The following ZNF804B variants were observed in gnomAD, a reference collection of about 807,000 sequenced individuals.
The protein encoded by ZNF804B is zinc finger 804B.
Under a neutral mutation model 101.4 loss-of-function variants are expected in ZNF804B, and 80 were observed. The ratio of observed to expected loss-of-function variants is 0.79; its 90% confidence interval spans 0.66 to 0.95. ZNF804B has a LOEUF of 0.95. Ranked by LOEUF, ZNF804B falls within the 40% of genes least tolerant of loss-of-function variation. The pLI is 0.00. For synonymous variants in ZNF804B, 622 were observed against 558.8 expected, an observed-to-expected ratio of 1.11 and a Z score of -1.59; for missense variants, 1,673 against 1,561.9, an observed-to-expected ratio of 1.07 and a Z score of -1.20.
At chr7:89,100,364 A>G (rs1790036364) in intron 1 of ZNF804B, among the ~76,000 whole-genome samples, 1 of 152,174 alleles carries the variant, frequency 6.6e-6, no homozygotes, top group Admixed American at 6.6e-5. Flanking sequence ...AAACTACTAC[A>G]ATAAATCATT....
intron 1 of ZNF804B, among the ~76,000 whole-genome samples, chr7:89,148,603 G>C (rs62461911): frequency 1.3e-5 from 2 of 151,778 alleles, no homozygotes; most frequent in African/African-American, 4.8e-5. Context: ...ACAAAATAAA[G>C]CTAATTTGAA....
At chr7:88,877,112 T>C (rs1791966401) in intron 1 of ZNF804B, among the ~76,000 whole-genome samples, 1 of 122,368 alleles carries the variant, frequency 8.2e-6, no homozygotes, top group Non-Finnish European at 1.6e-5. Flanking sequence ...CAGGCTGGAG[T>C]GCAGTGGCAC....
intron 2 of ZNF804B, among the ~76,000 whole-genome samples, chr7:89,254,476 C>A (rs1230186259): frequency 1.3e-5 from 2 of 149,682 alleles, no homozygotes; most frequent in Admixed American, 6.7e-5. Context: ...AAAAAAAAAA[C>A]CCACAACACA....
At chr7:89,034,414 C>A (rs56343928) in intron 1 of ZNF804B, among the ~76,000 whole-genome samples, 3 of 151,712 alleles carry the variant, frequency 2.0e-5, no homozygotes, top group South Asian at 2.1e-4. Context: ...CCCTACCCCC[C>A]GCCAGGCCCT....
At chr7:88,794,342 G>A (rs771357449) in intron 1 of ZNF804B, 2 of 1,613,908 alleles carry the variant, frequency 1.2e-6, no homozygotes, top group South Asian at 1.1e-5. Flanking sequence ...GCAACTTGGT[G>A]TAAGTTATCG....
intron 2 of ZNF804B, among the ~76,000 whole-genome samples, chr7:89,285,206 A>G (rs1187585960): frequency 6.6e-6 from 1 of 151,804 alleles, no homozygotes; most frequent in African/African-American, 2.4e-5. Context: ...GCAACAGAGC[A>G]AGACCCTGTC....
At chr7:88,913,522 G>A (rs1441296899) in intron 1 of ZNF804B, among the ~76,000 whole-genome samples, 1 of 152,146 alleles carries the variant, frequency 6.6e-6, no homozygotes, top group Non-Finnish European at 1.5e-5. Context: ...AACCTCTGGA[G>A]GAGCTGGGAT....
At chr7:89,094,637 A>G (rs773605135) in intron 1 of ZNF804B, among the ~76,000 whole-genome samples, 48 of 152,166 alleles carry the variant, frequency 3.2e-4, no homozygotes, top group Non-Finnish European at 4.6e-4. Flanking sequence ...CCTTTGCTAC[A>G]GTGTGTTTCT....
chr7:89,037,660 T>C (rs149188827), intron 1 of ZNF804B, among the ~76,000 whole-genome samples: 2 of 152,090 alleles, frequency 1.3e-5, no homozygotes, highest in Admixed American at 6.6e-5. Flanking sequence ...TTGTGTGTGA[T>C]AAGATCATTT....
intron 1 of ZNF804B, among the ~76,000 whole-genome samples, chr7:88,763,337 C>G (rs1789926359): frequency 6.6e-6 from 1 of 151,854 alleles, no homozygotes; most frequent in Non-Finnish European, 1.5e-5. Flanking sequence ...CATTTTACCC[C>G]CAAACAGTTT....
chr7:89,103,059 T>TG (rs1562885429), intron 1 of ZNF804B, among the ~76,000 whole-genome samples: 17 of 125,240 alleles, frequency 1.4e-4, no homozygotes, highest in African/African-American at 3.8e-4. Flanking sequence ...TTTTTTTTTT[T>TG]TTTTTTTTTT....
chr7:89,229,109 C>A (rs1484049812), intron 2 of ZNF804B, among the ~76,000 whole-genome samples: 1 of 152,208 alleles, frequency 6.6e-6, no homozygotes, highest in Admixed American at 6.5e-5. Flanking sequence ...CGCGCCTCTC[C>A]CTCCACACCT....
intron 1 of ZNF804B, among the ~76,000 whole-genome samples, chr7:88,778,167 G>GT (rs577507519): frequency 3.3e-5 from 5 of 151,860 alleles, no homozygotes; most frequent in African/African-American, 9.7e-5. Flanking sequence ...TCATTTTAAT[G>GT]TTTTTTTTCC....
chr7:89,273,756 A>G (rs1340435452), intron 2 of ZNF804B, among the ~76,000 whole-genome samples: 1 of 152,150 alleles, frequency 6.6e-6, no homozygotes, highest in East Asian at 1.9e-4. Flanking sequence ...TGAGTGGTAG[A>G]TTTAAATTTG....
At chr7:88,778,039 G>A (rs1298365304) in intron 1 of ZNF804B, among the ~76,000 whole-genome samples, 1 of 151,914 alleles carries the variant, frequency 6.6e-6, no homozygotes. Context: ...CACACATTTA[G>A]TGAAAAAAAT....
At chr7:89,312,646 A>C (rs1402798173) in intron 2 of ZNF804B, among the ~76,000 whole-genome samples, 1 of 152,114 alleles carries the variant, frequency 6.6e-6, no homozygotes, top group Non-Finnish European at 1.5e-5. Flanking sequence ...ATCTTTTAAA[A>C]ATACTTTAGC....
intron 1 of ZNF804B, among the ~76,000 whole-genome samples, chr7:89,147,737 T>A (rs1790812323): frequency 6.6e-6 from 1 of 151,842 alleles, no homozygotes; most frequent in African/African-American, 2.4e-5. Flanking sequence ...TAGATTCTCA[T>A]AGGAGAACGA....
intron 1 of ZNF804B, among the ~76,000 whole-genome samples, chr7:89,037,140 A>T (rs1304403937): frequency 1.3e-5 from 2 of 152,154 alleles, no homozygotes; most frequent in Non-Finnish European, 2.9e-5. Context: ...AAAGAAAAAA[A>T]TATTCCTCTG....
At chr7:88,850,810 A>C (rs1791441337) in intron 1 of ZNF804B, among the ~76,000 whole-genome samples, 1 of 152,142 alleles carries the variant, frequency 6.6e-6, no homozygotes, top group Non-Finnish European at 1.5e-5. Flanking sequence ...AAAAACAACA[A>C]AAATCATTCA....
Sources: allele counts gnomAD v4.1 joint callset (sites outside exome capture counted in the v4.1 genomes callset), GRCh38; gene constraint gnomAD v4.1.1; transcripts MANE v1.5; gene names NCBI Gene and HGNC (gene_info 2026-07-23, HGNC 2026-07-21).